Variants in SND1 observed in about 807,000 individuals in gnomAD.
The protein encoded by SND1 is staphylococcal nuclease and tudor domain containing 1.
In SND1, 38 loss-of-function variants were observed where a neutral mutation model predicts 121.7. The observed-to-expected ratio is 0.31, with a 90% CI of 0.24 to 0.41. SND1 has a LOEUF of 0.41. Among genes scored for constraint, SND1 ranks in the 10% least tolerant of loss-of-function variants. The pLI is 1.00. For missense variants in SND1, 868 were observed against 1,184.6 expected (o/e 0.73, Z 3.92); for synonymous variants, 401 against 447.4 (o/e 0.90, Z 1.31).
intron 15 of SND1, among the ~76,000 whole-genome samples, chr7:127,967,061 C>T (rs1801869057): frequency 6.6e-6 from 1 of 152,134 alleles, no homozygotes; most frequent in Non-Finnish European, 1.5e-5. Context: ...TTCCCAAATC[C>T]TGTAGCACCC....
chr7:128,081,859 A>T, intron 18 of SND1: 1 of 544,282 alleles, frequency 1.8e-6, no homozygotes, highest in Non-Finnish European at 3.8e-6. Context: ...GATGATTTGT[A>T]GCCCCCAGAA....
At chr7:128,087,933 G>A (rs1485230925) in intron 21 of SND1, among the ~76,000 whole-genome samples, 1 of 152,158 alleles carries the variant, frequency 6.6e-6, no homozygotes, top group Admixed American at 6.5e-5. Flanking sequence ...GCTCAGGCAG[G>A]TTGAGGCTTC....
Position 128,067,025 on chromosome 7 carries a change from A to G in SND1, c.1780-7477A>G, listed in dbSNP as rs112807290. 2.9e-3 allele frequency among the ~76,000 whole-genome samples: 442 copies of G among 152,224 alleles called. 1 individual carries two copies. The highest frequency in any genetic ancestry group is 0.01 in the African/African-American group (425 of 41,538). On this transcript the variant is annotated intron_variant, in intron 16 of 23. Transcript: ENST00000354725. ...TCCTACAGGACTTGATCGTTAGCAA[A>G]TGGGGCTTCCCTGCTTGCCCTTCTC...
intron 4 of SND1, among the ~76,000 whole-genome samples, chr7:127,699,658 G>T (rs1484752075): frequency 1.3e-5 from 2 of 152,188 alleles, no homozygotes; most frequent in African/African-American, 4.8e-5. Flanking sequence ...TGTATATCAT[G>T]TTCAAGTTCA....
intron 16 of SND1, among the ~76,000 whole-genome samples, chr7:128,006,707 G>A (rs555943361): frequency 7.9e-5 from 12 of 152,332 alleles, no homozygotes; most frequent in African/African-American, 1.7e-4. Context: ...CATCAGTGCT[G>A]AAGTTTGCTG....
chr7:127,894,117 A>G (rs946035859), intron 13 of SND1, among the ~76,000 whole-genome samples: 2 of 152,212 alleles, frequency 1.3e-5, no homozygotes, highest in East Asian at 1.9e-4. Flanking sequence ...ATCCCTGGCT[A>G]TTATTAAGAG....
chr7:127,898,863 T>A (rs1167813694), intron 13 of SND1, among the ~76,000 whole-genome samples: 1 of 152,152 alleles, frequency 6.6e-6, no homozygotes, highest in Non-Finnish European at 1.5e-5. Context: ...TGGATGCTCC[T>A]CTGCTTCTGT....
chr7:127,766,961 C>A (rs1797433821), intron 10 of SND1, among the ~76,000 whole-genome samples: 1 of 151,784 alleles, frequency 6.6e-6, no homozygotes, highest in Non-Finnish European at 1.5e-5. Flanking sequence ...GTGCTGTGTA[C>A]TTTTATAGCC....
At chr7:127,818,402 GA>G (rs1483781017) in intron 11 of SND1, among the ~76,000 whole-genome samples, 1 of 152,156 alleles carries the variant, frequency 6.6e-6, no homozygotes, top group Non-Finnish European at 1.5e-5. Flanking sequence ...AAAAATCACA[GA>G]AGGATTTACT....
chr7:128,023,918 A>T lies in SND1; in HGVS notation c.1779+32862A>T, dbSNP rs1047637997. On this transcript the variant is annotated intron_variant, in intron 16 of 23. Coordinates refer to ENST00000354725, the MANE Select transcript of SND1 (RefSeq NM_014390.4). ...AATTCTCACAATCTGTGAAGTACTG[A>T]GGTAGATAGTAATATTGTCTGTATT... Among the ~76,000 whole-genome samples the T allele has an allele frequency of 9.2e-5, 14 of 152,242 alleles. No individual in the cohort carries two copies. In the East Asian group the frequency reaches 2.7e-3, roughly 29 times the overall value.
intron 21 of SND1, among the ~76,000 whole-genome samples, chr7:128,089,129 A>G (rs1435912280): frequency 6.6e-6 from 1 of 152,078 alleles, no homozygotes; most frequent in Non-Finnish European, 1.5e-5. Context: ...ATATTGGCTC[A>G]CTGCAGCCTC....
chr7:127,945,946 G>A (rs894655130), intron 15 of SND1, among the ~76,000 whole-genome samples: 3 of 152,162 alleles, frequency 2.0e-5, no homozygotes, highest in Non-Finnish European at 2.9e-5. Context: ...CATTTAGAAC[G>A]CAATGCCCTA....
At chr7:128,076,076 C>G (rs1584775673) in intron 17 of SND1, among the ~76,000 whole-genome samples, 1 of 152,226 alleles carries the variant, frequency 6.6e-6, no homozygotes, top group Non-Finnish European at 1.5e-5. Flanking sequence ...CGTCCTTGCC[C>G]TGCTTCCTGG....
intron 4 of SND1, among the ~76,000 whole-genome samples, chr7:127,699,351 G>A (rs1289490367): frequency 6.6e-6 from 1 of 152,188 alleles, no homozygotes; most frequent in Non-Finnish European, 1.5e-5. Flanking sequence ...ACGTTTTAAT[G>A]GGGAGACAGT....
At position 127,925,998 on chromosome 7, in the gene SND1, A is replaced by G. The variant is rs140086385; in HGVS notation, c.1528-3190A>G. ...GTCTAAGAGACTGAAGCACATTGCT[A>G]CTTGCACTCTCTCTTTGGAAGGCAA... On this transcript the variant is annotated intron_variant, in intron 14 of 23. Transcript: ENST00000354725. Among the ~76,000 whole-genome samples the G allele has an allele frequency of 9.1e-4, 138 of 151,716 alleles. 1 individual carries two copies. The highest frequency in any genetic ancestry group is 3.4e-3 in the Middle Eastern group (1 of 294).
chr7:128,022,915 T>TA (rs1385173472), intron 16 of SND1, among the ~76,000 whole-genome samples: 1 of 152,162 alleles, frequency 6.6e-6, no homozygotes, highest in Non-Finnish European at 1.5e-5. Context: ...TACCAGAGGA[T>TA]AAAACCTGTG....
At chr7:127,881,007 A>G (rs756318952) in intron 12 of SND1, among the ~76,000 whole-genome samples, 1 of 152,246 alleles carries the variant, frequency 6.6e-6, no homozygotes, top group Middle Eastern at 3.4e-3. Flanking sequence ...CCACTGCAGT[A>G]TAATAGAGAG....
At chr7:127,751,286 G>C (rs1006993026) in intron 10 of SND1, among the ~76,000 whole-genome samples, 3 of 152,074 alleles carry the variant, frequency 2.0e-5, no homozygotes, top group Non-Finnish European at 2.9e-5. Context: ...ATTGCTAGGG[G>C]GCTTTTGCAG....
At chr7:127,941,781 G>A (rs1329030028) in intron 15 of SND1, among the ~76,000 whole-genome samples, 1 of 148,628 alleles carries the variant, frequency 6.7e-6, no homozygotes, top group African/African-American at 2.5e-5. Context: ...GATGTCGTAT[G>A]TGCAGGGAAT....
Sources: gnomAD v4.1 joint callset for allele counts (sites outside exome capture counted in the v4.1 genomes callset) on GRCh38, gnomAD v4.1.1 for gene constraint, MANE v1.5 for transcripts, NCBI Gene and HGNC (gene_info 2026-07-23, HGNC 2026-07-21) for gene names.